The following RBFOX1 variants were observed in gnomAD, a reference collection of about 807,000 sequenced individuals.
RBFOX1 encodes the protein RNA binding fox-1 homolog 1.
A neutral mutation model predicts 57.7 loss-of-function variants in RBFOX1; 8 were observed. The observed-to-expected ratio is 0.14, with a 90% CI of 0.08 to 0.25. RBFOX1 has a LOEUF of 0.25. RBFOX1 is among the 10% of genes least tolerant of loss of function. The pLI, the probability that RBFOX1 is intolerant of heterozygous loss-of-function variation, is 1.00. For synonymous variants in RBFOX1, 326 were observed against 222.4 expected (o/e 1.47, Z -4.15); for missense variants, 611 against 548.5 (o/e 1.11, Z -1.14).
At chr16:6,231,355 T>A (rs2097458810) in intron 1 of RBFOX1, among the ~76,000 whole-genome samples, 1 of 152,014 alleles carries the variant, frequency 6.6e-6, no homozygotes, top group Admixed American at 6.6e-5. Context: ...TTAAATTCAG[T>A]GATGAGACTC....
At chr16:5,240,640 G>T (rs567034104) in intron 1 of RBFOX1, among the ~76,000 whole-genome samples, 2 of 152,284 alleles carry the variant, frequency 1.3e-5, no homozygotes, top group Non-Finnish European at 2.9e-5. Context: ...TTGAGAGGAG[G>T]CAGATGGCTT....
chr16:6,257,196 C>T (rs2097673305), intron 1 of RBFOX1, among the ~76,000 whole-genome samples: 1 of 152,078 alleles, frequency 6.6e-6, no homozygotes, highest in Non-Finnish European at 1.5e-5. Context: ...TGGTTTGCTG[C>T]ACCTATGAAC....
intron 1 of RBFOX1, among the ~76,000 whole-genome samples, chr16:5,385,144 C>T (rs2066225201): frequency 6.6e-6 from 1 of 152,194 alleles, no homozygotes; most frequent in Non-Finnish European, 1.5e-5. Context: ...TACCAGGGGC[C>T]AGGCACTATG....
chr16:5,756,146 C>T (rs903241923), intron 3 of RBFOX1, among the ~76,000 whole-genome samples: 1 of 143,454 alleles, frequency 7.0e-6, no homozygotes, highest in Non-Finnish European at 1.5e-5. Flanking sequence ...ACTTACAAAC[C>T]AGAAGGTTCC....
chr16:6,063,506 C>CACACA (rs780793142), intron 1 of RBFOX1, among the ~76,000 whole-genome samples: 10 of 42,574 alleles, frequency 2.3e-4, no homozygotes, highest in African/African-American at 5.2e-4. Context: ...CACACACACA[C>CACACA]CCCCTTATAT....
At chr16:6,947,031 C>G (rs1315915127) in intron 3 of RBFOX1, among the ~76,000 whole-genome samples, 1 of 152,198 alleles carries the variant, frequency 6.6e-6, no homozygotes, top group Non-Finnish European at 1.5e-5. Flanking sequence ...CACCTCTCTC[C>G]TGGCCTCAGG....
chr16:7,015,387 A>C (rs574621743), intron 3 of RBFOX1, among the ~76,000 whole-genome samples: 1 of 152,290 alleles, frequency 6.6e-6, no homozygotes, highest in Non-Finnish European at 1.5e-5. Context: ...GAGTTGGCAA[A>C]AACAAAGAAA....
At chr16:6,284,044 G>C (rs1005698707) in intron 1 of RBFOX1, among the ~76,000 whole-genome samples, 1 of 152,190 alleles carries the variant, frequency 6.6e-6, no homozygotes, top group African/African-American at 2.4e-5. Context: ...GGCTTTGCCT[G>C]TGTAGCTTGT....
rs1160511597 is a variant in RBFOX1 at position 6,718,238 on chromosome 16, T to C, written c.-16+63588T>C. On this transcript the variant is annotated intron_variant, in intron 3 of 15. Coordinates refer to ENST00000550418, the MANE Select transcript of RBFOX1 (RefSeq NM_018723.4). ...AGCAATTAATGTTTATATATTGGTC[T>C]TTTCCATATGGTAGGTATGTTGGCA... Among the ~76,000 whole-genome samples the C allele has an allele frequency of 2.0e-5, 3 of 152,194 alleles. No individual in the cohort carries two copies. In the East Asian group the frequency reaches 5.8e-4, roughly 29 times the overall value.
At chr16:7,105,231 A>G (rs947776993) in intron 4 of RBFOX1, among the ~76,000 whole-genome samples, 1 of 151,520 alleles carries the variant, frequency 6.6e-6, no homozygotes, top group African/African-American at 2.4e-5. Context: ...GGTCTGGGTC[A>G]CATGGCAACC....
chr16:6,680,647 C>T (rs1010234223), intron 3 of RBFOX1, among the ~76,000 whole-genome samples: 6 of 152,108 alleles, frequency 3.9e-5, no homozygotes, highest in Admixed American at 1.3e-4. Context: ...ATTTTATACT[C>T]TTATTTTAGT....
intron 3 of RBFOX1, among the ~76,000 whole-genome samples, chr16:7,028,219 C>A (rs1183307442): frequency 2.0e-5 from 3 of 152,044 alleles, no homozygotes; most frequent in African/African-American, 7.2e-5. Flanking sequence ...ATTCATTAGT[C>A]CAGCTTTCTC....
At chr16:7,533,949 T>C (rs1382212700) in intron 5 of RBFOX1, among the ~76,000 whole-genome samples, 1 of 152,204 alleles carries the variant, frequency 6.6e-6, no homozygotes, top group Non-Finnish European at 1.5e-5. Context: ...TGGTGGGCGA[T>C]GTTACCTCAT....
At chr16:6,912,919 C>G (rs1049341168) in intron 3 of RBFOX1, among the ~76,000 whole-genome samples, 1 of 152,224 alleles carries the variant, frequency 6.6e-6, no homozygotes, top group South Asian at 2.1e-4. Flanking sequence ...CAAGCCCAGC[C>G]TAGAGCTCCT....
At chr16:7,068,792 T>G (rs1057065006) in intron 4 of RBFOX1, among the ~76,000 whole-genome samples, 2 of 152,156 alleles carry the variant, frequency 1.3e-5, no homozygotes, top group African/African-American at 4.8e-5. Context: ...TTTCACCATG[T>G]TGGCCAGGCT....
At chr16:6,961,165 A>ACAC (rs1461621694) in intron 3 of RBFOX1, among the ~76,000 whole-genome samples, 2 of 150,696 alleles carry the variant, frequency 1.3e-5, no homozygotes, top group East Asian at 1.9e-4. Flanking sequence ...ACACACACGC[A>ACAC]AAAGAAAGAA....
At chr16:5,635,707 G>A (rs1200349029) in intron 3 of RBFOX1, among the ~76,000 whole-genome samples, 1 of 152,158 alleles carries the variant, frequency 6.6e-6, no homozygotes, top group East Asian at 1.9e-4. Context: ...TACATATCCT[G>A]GGTGCACCAG....
rs1555524180 is a variant in RBFOX1, at chr16:5,454,902, CTTTCT to C, written c.220-12311_220-12307del. Among the ~76,000 whole-genome samples, 8 of 66,706 alleles carry C rather than the reference CTTTCT, an allele frequency of 1.2e-4. No individual in the cohort carries two copies. In the East Asian group the frequency reaches 1.3e-3, roughly 11 times the overall value. 43.8% of individuals were successfully genotyped at this position (66,706 alleles called of 152,430 possible). A position where few individuals can be genotyped will look rare whatever the true frequency, so the allele number is the denominator to read the frequency against. On this transcript the variant is annotated intron_variant, in intron 1 of 2. Transcript: ENST00000585867. ...TCTTTCTTTCTTTCTTTCTTTCTTTCTTTCTTTCTTTCCTTTGTTTCTTTCTTCCT... is the reference window on the plus strand; with the variant it reads ...TCTTTCTTTCTTTCTTTCTTTCTTTCTTCTTTCCTTTGTTTCTTTCTTCCT...
chr16:6,000,221 C>A lies in RBFOX1; in HGVS notation c.351+132886C>A, dbSNP rs926369879. Among the ~76,000 whole-genome samples, 6 of 152,146 alleles carry A rather than the reference C, an allele frequency of 3.9e-5. 1 individual carries two copies. Among genetic ancestry groups the A allele is most frequent in the Admixed American group, 3.3e-4 (5 of 15,282 alleles). ...GTACCTGGACAAGATCCCATGCCCC[C>A]CTGGTGCGATGCTTCCTCTGAAGCT... is the stretch of plus-strand genomic sequence containing the variant. On this transcript the variant is annotated intron_variant, in intron 4 of 19. Transcript: ENST00000641259.
Sources: allele counts gnomAD v4.1 joint callset (sites outside exome capture counted in the v4.1 genomes callset), GRCh38; gene constraint gnomAD v4.1.1; transcripts MANE v1.5; gene names NCBI Gene and HGNC (gene_info 2026-07-23, HGNC 2026-07-21).